The following SATB2 variants were observed in gnomAD, a reference collection of about 807,000 sequenced individuals.
The protein encoded by SATB2 is DNA-binding protein SATB2.
SATB2 carries 1 observed loss-of-function variant against 73.4 expected under a neutral mutation model. The observed-to-expected ratio is 0.01, with a 90% CI of 0.00 to 0.06. SATB2 has a LOEUF of 0.06. Ranked by LOEUF, SATB2 falls within the 10% of genes least tolerant of loss-of-function variation. The probability of loss-of-function intolerance (pLI) is 1.00; values close to 1 mark genes in which losing one functional copy is unlikely to be tolerated. For missense variants in SATB2, 459 were observed against 945.8 expected, an observed-to-expected ratio of 0.49 and a Z score of 6.75; for synonymous variants, 397 against 367.0, an observed-to-expected ratio of 1.08 and a Z score of -0.93.
At chr2:199,343,129 C>T (rs2105815300) in intron 7 of SATB2, among the ~76,000 whole-genome samples, 1 of 152,104 alleles carries the variant, frequency 6.6e-6, no homozygotes, top group African/African-American at 2.4e-5. Flanking sequence ...CACACACACA[C>T]ACACACACAT....
chr2:199,411,689 C>T (rs1690824118), intron 3 of SATB2, among the ~76,000 whole-genome samples: 2 of 152,174 alleles, frequency 1.3e-5, no homozygotes, highest in African/African-American at 4.8e-5. Flanking sequence ...GGTTATAGTG[C>T]AGTCTGGACT....
At chr2:199,436,620 G>GT (rs1376101549) in intron 2 of SATB2, among the ~76,000 whole-genome samples, 1 of 152,034 alleles carries the variant, frequency 6.6e-6, no homozygotes, top group East Asian at 1.9e-4. Flanking sequence ...AACAATTATG[G>GT]TTTTTATAAT....
chr2:199,394,493 AT>A (rs1690241488), intron 3 of SATB2, among the ~76,000 whole-genome samples: 1 of 152,134 alleles, frequency 6.6e-6, no homozygotes, highest in African/African-American at 2.4e-5. Flanking sequence ...ATTACATTCT[AT>A]TAGAAAAAAG....
intron 3 of SATB2, among the ~76,000 whole-genome samples, chr2:199,395,124 A>T (rs913206375): frequency 4.0e-5 from 6 of 151,666 alleles, no homozygotes; most frequent in African/African-American, 1.5e-4. Flanking sequence ...CTCTGTCGCC[A>T]TGTCTAATTT....
intron 9 of SATB2, among the ~76,000 whole-genome samples, chr2:199,314,320 A>G (rs927539073): frequency 1.3e-5 from 2 of 152,212 alleles, no homozygotes; most frequent in Non-Finnish European, 2.9e-5. Flanking sequence ...GCCTAGAGGA[A>G]TGTTTTATGG....
intron 10 of SATB2, among the ~76,000 whole-genome samples, chr2:199,280,018 G>A (rs1692435554): frequency 6.6e-6 from 1 of 152,188 alleles, no homozygotes; most frequent in African/African-American, 2.4e-5. Context: ...GCACGCGCCT[G>A]TAATCCCAGC....
intron 10 of SATB2, among the ~76,000 whole-genome samples, chr2:199,277,326 C>G (rs1156298219): frequency 6.6e-6 from 1 of 152,108 alleles, no homozygotes; most frequent in Admixed American, 6.6e-5. Flanking sequence ...TTACTGTATG[C>G]AAACTATAAC....
intron 6 of SATB2, among the ~76,000 whole-genome samples, chr2:199,366,762 T>G (rs1275692830): frequency 6.6e-6 from 1 of 151,294 alleles, no homozygotes; most frequent in Non-Finnish European, 1.5e-5. Flanking sequence ...AATCAAGGTC[T>G]CAGTCTGCTT....
intron 4 of SATB2, 67 bp downstream of exon 4, chr2:199,381,627 G>T (rs954532979): frequency 1.3e-6 from 2 of 1,582,722 alleles, no homozygotes; most frequent in African/African-American, 1.3e-5. Flanking sequence ...GCTGATCTTT[G>T]CAGTGAATCT....
chr2:199,325,277 TC>T (rs1687999436), intron 8 of SATB2: 1 of 152,148 alleles, frequency 6.6e-6, no homozygotes, highest in Non-Finnish European at 1.5e-5. Flanking sequence ...CTTTTAAGAT[TC>T]CAATGAGTTA....
upstream of SATB2, chr2:199,458,265 CATCA>C (rs1257806103): frequency 1.0e-3 from 228 of 223,700 alleles, no homozygotes; most frequent in Non-Finnish European, 1.9e-3. Context: ...GGAAATTAAA[CATCA>C]ATCAATCAAT....
intron 9 of SATB2, among the ~76,000 whole-genome samples, chr2:199,314,985 A>G (rs1290330548): frequency 6.6e-6 from 1 of 151,984 alleles, no homozygotes; most frequent in East Asian, 1.9e-4. Flanking sequence ...CTTTTTTCAT[A>G]GTGAACTTGT....
chr2:199,311,929 G>A (rs1035146189), intron 9 of SATB2, among the ~76,000 whole-genome samples: 20 of 152,042 alleles, frequency 1.3e-4, no homozygotes, highest in Non-Finnish European at 2.8e-4. Flanking sequence ...GAACACACAT[G>A]TATGTAATTG....
At chr2:199,419,710 T>C (rs934498641) in intron 3 of SATB2, among the ~76,000 whole-genome samples, 7 of 152,206 alleles carry the variant, frequency 4.6e-5, no homozygotes, top group African/African-American at 1.7e-4. Context: ...ATCAGTTTTA[T>C]CTGTTCATTT....
intron 3 of SATB2, among the ~76,000 whole-genome samples, chr2:199,386,510 A>G (rs1357749333): frequency 6.6e-6 from 1 of 152,228 alleles, no homozygotes; most frequent in Non-Finnish European, 1.5e-5. Flanking sequence ...CAAAGAAGCA[A>G]GAACAAGTTA....
At chr2:199,386,697 C>G (rs1375066827) in intron 3 of SATB2, among the ~76,000 whole-genome samples, 1 of 382 alleles carries the variant, frequency 2.6e-3, no homozygotes, top group African/African-American at 4.6e-3. Flanking sequence ...CGTGCGCAAG[C>G]GCGCGCGCGC....
chr2:199,269,814 A>C lies in SATB2; in HGVS notation c.*2397T>G, dbSNP rs2105701779. Reference sequence around the variant, plus strand: ...GAATAAATAGACATATATGCATTGTAATTCGCAAAGATCTGGCAAGACCAC... The same window carrying C: ...GAATAAATAGACATATATGCATTGTCATTCGCAAAGATCTGGCAAGACCAC... On this transcript the variant is annotated 3_prime_UTR_variant, in exon 11 of 11. Coordinates refer to ENST00000417098, the MANE Select transcript of SATB2 (RefSeq NM_001172509.2). 1 of 152,864 alleles carries C rather than the reference A, an allele frequency of 6.5e-6. No individual in the cohort carries two copies. Among genetic ancestry groups the C allele is most frequent in the Non-Finnish European group, 1.5e-5 (1 of 68,022 alleles). 9.5% of individuals were successfully genotyped at this position (152,864 alleles called of 1,614,324 possible).
chr2:199,467,194 C>T (rs150506395), upstream of SATB2, among the ~76,000 whole-genome samples: 1,605 of 152,364 alleles, frequency 0.011, 20 homozygotes, highest in Non-Finnish European at 0.017. Flanking sequence ...AAGGGCGGGA[C>T]GCCCAGAGCC....
At chr2:199,349,207 T>A (rs756028224) in intron 6 of SATB2, 34 bp from the exon 7 acceptor site, 1 of 1,463,248 alleles carries the variant, frequency 6.8e-7, no homozygotes, top group African/African-American at 1.4e-5. Context: ...TTAATCATTA[T>A]TTTCATTGGT....
Sources: gnomAD v4.1 joint callset for allele counts (sites outside exome capture counted in the v4.1 genomes callset) on GRCh38, gnomAD v4.1.1 for gene constraint, MANE v1.5 for transcripts, NCBI Gene and HGNC (gene_info 2026-07-23, HGNC 2026-07-21) for gene names.